HTRA1: variants seen among roughly 807,000 people sequenced by gnomAD.
The protein encoded by HTRA1 is HtrA serine peptidase 1.
Under a neutral mutation model 49.7 loss-of-function variants are expected in HTRA1, and 26 were observed. That is an observed-to-expected ratio of 0.52 (90% CI 0.38 to 0.73). HTRA1 has a LOEUF of 0.73. HTRA1 is among the 30% of genes least tolerant of loss of function. HTRA1 has a pLI of 0.00. For missense variants in HTRA1, 561 were observed against 667.2 expected (o/e 0.84, Z 1.75); for synonymous variants, 291 against 286.9 (o/e 1.01, Z -0.14).
intron 3 of HTRA1, among the ~76,000 whole-genome samples, chr10:122,491,659 A>G (rs2097495906): frequency 6.6e-6 from 1 of 152,220 alleles, no homozygotes; most frequent in Admixed American, 6.5e-5. Flanking sequence ...CATCCCTGGC[A>G]TGTCCTGGCA....
rs374427834 is a variant in HTRA1, at chr10:122,507,486, G to A, written c.1005+84G>A. The A allele has an allele frequency of 1.2e-4, 94 of 787,778 alleles. No individual in the cohort carries two copies. In the African/African-American group the frequency reaches 1.7e-3, roughly 14 times the overall value. 48.8% of individuals were successfully genotyped at this position (787,778 alleles called of 1,614,324 possible). On this transcript the variant is annotated intron_variant, in intron 5 of 8. Coordinates refer to ENST00000368984, the MANE Select transcript of HTRA1 (RefSeq NM_002775.5). The stretch of plus-strand genomic sequence containing the variant: ...TTGTTTGTTTGTTTGTTGTTTGTTT[G>A]TTTTTGAGGCAGGGGGTCTTTTCAA...
intron 7 of HTRA1, 122 bp downstream of exon 7, chr10:122,510,275 A>C: frequency 1.2e-6 from 1 of 800,680 alleles, no homozygotes; most frequent in East Asian, 2.5e-5. Context: ...GTTTCTGCTT[A>C]TAATGAAGTA....
At position 122,461,714 on chromosome 10, in the gene HTRA1, C is replaced by T. The variant is rs745597966; in HGVS notation, c.62C>T (p.Ser21Leu). The T allele has an allele frequency of 1.2e-5, 16 of 1,294,562 alleles. No homozygotes were observed. In the South Asian group the frequency reaches 1.8e-4, roughly 15 times the overall value. The allele number at this position is 1,294,562 out of a possible 1,614,324, so 80.2% of individuals were successfully genotyped here. Residue 21 changes from serine to leucine, a missense_variant, in exon 1 of 9, where the codon TCG (serine) becomes TTG (leucine). Ser to Leu is a moderately radical substitution (Grantham distance 145, BLOSUM62 -2). Coordinates refer to ENST00000368984, the MANE Select transcript of HTRA1 (RefSeq NM_002775.5). ...LLLLLLAAPASAQLSRAGRSA... is the reference protein window; with the variant it reads ...LLLLLLAAPALAQLSRAGRSA... Reference sequence around the variant, plus strand: ...CTGCTGCTGCTGGCGGCGCCCGCCTCGGCGCAGCTGTCCCGGGCCGGCCGC... The same window carrying T: ...CTGCTGCTGCTGGCGGCGCCCGCCTTGGCGCAGCTGTCCCGGGCCGGCCGC...
In HTRA1 at chr10:122,507,456, G is replaced by A. The variant is rs1261518165; in HGVS notation, c.1005+54G>A. The A allele has an allele frequency of 3.0e-6, 4 of 1,335,770 alleles. No individual in the cohort carries two copies. The African/African-American group carries it at 6.7e-5, about 22-fold the overall frequency. 82.7% of individuals were successfully genotyped at this position (1,335,770 alleles called of 1,614,324 possible). On this transcript the variant is annotated intron_variant, in intron 5 of 8. Coordinates refer to ENST00000368984, the MANE Select transcript of HTRA1 (RefSeq NM_002775.5). ...ATTTGTTTTTATCTATGTATACGCT[G>A]TTTTTTGTTTGTTTGTTTGTTGTTT...
chr10:122,474,349 A>G (rs1462451767), intron 1 of HTRA1, among the ~76,000 whole-genome samples: 1 of 152,138 alleles, frequency 6.6e-6, no homozygotes, highest in African/African-American at 2.4e-5. Context: ...CTGTTTCACA[A>G]GTTCCCCTCG....
At chr10:122,477,865 G>T (rs1348683558) in intron 1 of HTRA1, among the ~76,000 whole-genome samples, 1 of 151,876 alleles carries the variant, frequency 6.6e-6, no homozygotes, top group East Asian at 1.9e-4. Flanking sequence ...TGCATTTTAT[G>T]CTCCTGCCTT....
At chr10:122,485,939 G>T (rs1051580464) in intron 1 of HTRA1, among the ~76,000 whole-genome samples, 4 of 152,198 alleles carry the variant, frequency 2.6e-5, no homozygotes, top group Admixed American at 2.6e-4. Context: ...GCCCAGATGC[G>T]TTTGTTTACA....
intron 7 of HTRA1, among the ~76,000 whole-genome samples, chr10:122,511,544 C>T (rs1010093704): frequency 1.2e-4 from 19 of 152,030 alleles, no homozygotes; most frequent in African/African-American, 4.6e-4. Flanking sequence ...ACCAGCCTGG[C>T]CAATTTGTGA....
At chr10:122,509,500 G>A (rs1188952249) in intron 6 of HTRA1, among the ~76,000 whole-genome samples, 1 of 152,182 alleles carries the variant, frequency 6.6e-6, no homozygotes, top group South Asian at 2.1e-4. Context: ...CCCCTGAAGT[G>A]GCCTGAGGGC....
intron 1 of HTRA1, among the ~76,000 whole-genome samples, chr10:122,483,357 T>C (rs1181481009): frequency 6.6e-6 from 1 of 152,248 alleles, no homozygotes; most frequent in Non-Finnish European, 1.5e-5. Context: ...AAATGTTGGC[T>C]GCTCTTAATG....
At chr10:122,478,392 ATTTTTT>A (rs34977432) in intron 1 of HTRA1, among the ~76,000 whole-genome samples, 1 of 119,102 alleles carries the variant, frequency 8.4e-6, no homozygotes, top group Non-Finnish European at 1.7e-5. Flanking sequence ...AGTTTGACAG[ATTTTTT>A]TTTTTTTTTT....
chr10:122,481,995 T>A (rs1381170652), intron 1 of HTRA1, among the ~76,000 whole-genome samples: 1 of 152,140 alleles, frequency 6.6e-6, no homozygotes, highest in Non-Finnish European at 1.5e-5. Flanking sequence ...TATGTCTTTA[T>A]CAGCAGTGTG....
intron 1 of HTRA1, among the ~76,000 whole-genome samples, chr10:122,480,261 G>A (rs576669198): frequency 1.3e-5 from 2 of 152,074 alleles, no homozygotes; most frequent in African/African-American, 2.4e-5. Flanking sequence ...CGGGGAACGT[G>A]TGTGGGTTGG....
At position 122,490,474 on chromosome 10, in the gene HTRA1, G is replaced by C. The variant is rs576261619; in HGVS notation, c.777+848G>C. ...ACTGACTCATCAAAAACCCCCACTC[G>C]ACACGTCGATGAGAGAGGTTTTGTT... On this transcript the variant is annotated intron_variant, in intron 3 of 8. Coordinates refer to ENST00000368984, the MANE Select transcript of HTRA1 (RefSeq NM_002775.5). This position sits in a 1 kb window ranked among gnomAD's most constrained non-coding sequence, Gnocchi z 4.2. Among the ~76,000 whole-genome samples the C allele has an allele frequency of 6.6e-6, 1 of 152,164 alleles. No individual in the cohort carries two copies. Among genetic ancestry groups the C allele is most frequent in the Admixed American group, 6.5e-5 (1 of 15,268 alleles).
At chr10:122,499,644 A>T (rs1025557864) in intron 3 of HTRA1, among the ~76,000 whole-genome samples, 1 of 152,198 alleles carries the variant, frequency 6.6e-6, no homozygotes, top group African/African-American at 2.4e-5. Flanking sequence ...TTGGATGCTG[A>T]CATCCCCCGT....
rs974886032 is a variant in HTRA1 at position 122,490,300 on chromosome 10, G to C, written c.777+674G>C. 1.4e-4 allele frequency among the ~76,000 whole-genome samples: 22 copies of C among 152,098 alleles called. No individual in the cohort carries two copies. The highest frequency in any genetic ancestry group is 5.1e-4 in the African/African-American group (21 of 41,406). On this transcript the variant is annotated intron_variant, in intron 3 of 8. Transcript: ENST00000368984. This position sits in a 1 kb window ranked among gnomAD's most constrained non-coding sequence, Gnocchi z 4.2. ...ATCATTTGAGTATACAGCTTTTTGT[G>C]GGGGCAGGCAGAACTGAGACATACC...
chr10:122,481,967 A>G (rs2097491207), intron 1 of HTRA1, among the ~76,000 whole-genome samples: 1 of 152,108 alleles, frequency 6.6e-6, no homozygotes, highest in Admixed American at 6.5e-5. Context: ...CTTCTTTTGT[A>G]AATCACCCAG....
chr10:122,497,583 A>G (rs538851660), intron 3 of HTRA1, among the ~76,000 whole-genome samples: 2 of 152,222 alleles, frequency 1.3e-5, no homozygotes, highest in Non-Finnish European at 2.9e-5. Context: ...CGGGAGATAC[A>G]AGCTGTTCCC....
In HTRA1 at chr10:122,514,383, T is replaced by C. The variant is rs762808885; in HGVS notation, c.*24T>C. 7.4e-6 allele frequency: 12 copies of C among 1,612,060 alleles called. No individual in the cohort carries two copies. Among genetic ancestry groups the C allele is most frequent in the Middle Eastern group, 3.3e-4 (2 of 6,034 alleles). On this transcript the variant is annotated 3_prime_UTR_variant, in exon 9 of 9. Coordinates refer to ENST00000368984, the MANE Select transcript of HTRA1 (RefSeq NM_002775.5). ...AGGCAGAGGCATGAGCTGGACTTCA[T>C]GTTTCCCTCAAAGACTCTCCCGTGG...
Sources: gnomAD v4.1 joint callset for allele counts (sites outside exome capture counted in the v4.1 genomes callset) on GRCh38, gnomAD v4.1.1 for gene constraint, Gnocchi (gnomAD v3.1) non-coding constraint, MANE v1.5 for transcripts, NCBI Gene and HGNC (gene_info 2026-07-23, HGNC 2026-07-21) for gene names.